Variants in XKR4 observed in about 807,000 individuals in gnomAD.
The protein encoded by XKR4 is XK related 4.
In XKR4, 12 loss-of-function variants were observed where a neutral mutation model predicts 53.9. The observed-to-expected ratio is 0.22, with a 90% CI of 0.14 to 0.36. The LOEUF (loss-of-function observed/expected upper bound fraction) is 0.36. XKR4 is among the 10% of genes least tolerant of loss of function. The pLI is 1.00. For synonymous variants in XKR4, 354 were observed against 362.4 expected (o/e 0.98, Z 0.26); for missense variants, 799 against 859.5 (o/e 0.93, Z 0.88).
At chr8:55,329,711 T>C (rs1803355000) in intron 1 of XKR4, among the ~76,000 whole-genome samples, 1 of 152,194 alleles carries the variant, frequency 6.6e-6, no homozygotes, top group Non-Finnish European at 1.5e-5. Context: ...CCAAGTTCCA[T>C]ATGTTATAAG....
At chr8:55,401,762 C>A (rs544421491) in intron 2 of XKR4, among the ~76,000 whole-genome samples, 1 of 152,320 alleles carries the variant, frequency 6.6e-6, no homozygotes, top group South Asian at 2.1e-4. Flanking sequence ...ACTCAAAGAT[C>A]CCTGAAGGAC....
chr8:55,225,401 C>T (rs999307217), intron 1 of XKR4, among the ~76,000 whole-genome samples: 2 of 152,140 alleles, frequency 1.3e-5, no homozygotes, highest in African/African-American at 4.8e-5. Context: ...GTGTTCTTTG[C>T]CTATTAGCCA....
At chr8:55,324,629 T>G (rs187065113) in intron 1 of XKR4, among the ~76,000 whole-genome samples, 14 of 152,342 alleles carry the variant, frequency 9.2e-5, no homozygotes, top group Admixed American at 3.3e-4. Flanking sequence ...CTTAACTCAC[T>G]GTAGGGGAAA....
intron 2 of XKR4, among the ~76,000 whole-genome samples, chr8:55,441,746 C>T (rs1684305519): frequency 6.6e-6 from 1 of 152,026 alleles, no homozygotes; most frequent in Admixed American, 6.5e-5. Flanking sequence ...ATTCTCAACA[C>T]AAACAGAAAT....
chr8:55,492,995 C>A (rs1026502930), intron 2 of XKR4, among the ~76,000 whole-genome samples: 2 of 152,102 alleles, frequency 1.3e-5, no homozygotes, highest in African/African-American at 4.8e-5. Flanking sequence ...AGTAGCAGGG[C>A]AATTGTAACT....
At chr8:55,199,841 T>C (rs1356241871) in intron 1 of XKR4, among the ~76,000 whole-genome samples, 4 of 152,258 alleles carry the variant, frequency 2.6e-5, no homozygotes, top group Non-Finnish European at 4.4e-5. Context: ...TTTATTTGCA[T>C]TGTTTTTTAA....
intron 2 of XKR4, 140 bp from the exon 3 acceptor site, chr8:55,523,141 C>CAAA (rs35183687): frequency 0.015 from 8,645 of 585,492 alleles, 59 homozygotes; most frequent in Middle Eastern, 0.021. Context: ...GACTCTGTCT[C>CAAA]AAAAAAAAAA....
intron 1 of XKR4, among the ~76,000 whole-genome samples, chr8:55,211,571 T>C (rs1156879923): frequency 6.6e-6 from 1 of 152,202 alleles, no homozygotes; most frequent in East Asian, 1.9e-4. Context: ...ATAATTACCA[T>C]AAGACAGTTT....
chr8:55,433,947 G>A (rs1275661703), intron 2 of XKR4, among the ~76,000 whole-genome samples: 1 of 152,146 alleles, frequency 6.6e-6, no homozygotes, highest in African/African-American at 2.4e-5. Context: ...TGGAAGGATT[G>A]CTTCATAGCC....
chr8:55,414,322 C>T (rs1248221500), intron 2 of XKR4, among the ~76,000 whole-genome samples: 5 of 152,030 alleles, frequency 3.3e-5, no homozygotes, highest in Non-Finnish European at 7.4e-5. Flanking sequence ...TCTTGCAAGG[C>T]GCATTCCTGG....
chr8:55,292,584 T>C (rs1286404711), intron 1 of XKR4, among the ~76,000 whole-genome samples: 3 of 152,128 alleles, frequency 2.0e-5, no homozygotes, highest in Non-Finnish European at 4.4e-5. Context: ...TATTAATCTT[T>C]TCAAAAAACA....
Position 55,441,974 on chromosome 8 carries a change from A to G in XKR4, c.1007-81307A>G, listed in dbSNP as rs1585574774. Among the ~76,000 whole-genome samples the G allele has an allele frequency of 3.3e-5, 5 of 152,098 alleles. No homozygotes were observed. The South Asian group carries it at 1.0e-3, about 32-fold the overall frequency. On this transcript the variant is annotated intron_variant, in intron 2 of 2. Transcript: ENST00000327381. ...AAAATAGAAAATAATAAGCCCAAAG[A>G]AAATAGAAAAAAATGAGATTATAAT...
intron 2 of XKR4, chr8:55,452,526 T>C: frequency 1.5e-6 from 1 of 664,582 alleles, no homozygotes; most frequent in Admixed American, 2.1e-5. Flanking sequence ...AGACAGCAGG[T>C]GCAGCCTCAA....
intron 1 of XKR4, among the ~76,000 whole-genome samples, chr8:55,351,339 G>A (rs1563330483): frequency 1.3e-5 from 2 of 152,038 alleles, no homozygotes; most frequent in South Asian, 4.1e-4. Context: ...ACCTAATACT[G>A]GTTGTTTTAT....
At chr8:55,281,572 T>C (rs1024618769) in intron 1 of XKR4, among the ~76,000 whole-genome samples, 3 of 152,206 alleles carry the variant, frequency 2.0e-5, no homozygotes, top group African/African-American at 7.2e-5. Context: ...TCACAGTCAA[T>C]GTCAAGTTCA....
intron 2 of XKR4, among the ~76,000 whole-genome samples, chr8:55,429,057 A>T (rs1053544309): frequency 1.3e-5 from 2 of 152,236 alleles, no homozygotes; most frequent in African/African-American, 2.4e-5. Context: ...GAAGAAACAG[A>T]CACATAGATC....
chr8:55,133,007 C>A (rs1263691394), intron 1 of XKR4, among the ~76,000 whole-genome samples: 1 of 152,056 alleles, frequency 6.6e-6, no homozygotes, highest in East Asian at 1.9e-4. Flanking sequence ...GACTATGTGA[C>A]CAGGTTGGTC....
At chr8:55,392,939 T>C (rs1309990123) in intron 2 of XKR4, among the ~76,000 whole-genome samples, 1 of 152,176 alleles carries the variant, frequency 6.6e-6, no homozygotes, top group African/African-American at 2.4e-5. Flanking sequence ...GCATTTATCT[T>C]GCCTTTCCTG....
intron 1 of XKR4, among the ~76,000 whole-genome samples, chr8:55,134,000 G>C (rs1816592648): frequency 6.6e-6 from 1 of 152,174 alleles, no homozygotes; most frequent in Admixed American, 6.5e-5. Flanking sequence ...AGATCATTTG[G>C]AAGAATTTTC....
Sources: gnomAD v4.1 joint callset for allele counts (sites outside exome capture counted in the v4.1 genomes callset) on GRCh38, gnomAD v4.1.1 for gene constraint, MANE v1.5 for transcripts, NCBI Gene and HGNC (gene_info 2026-07-23, HGNC 2026-07-21) for gene names.